The following TDRD9 variants were observed in gnomAD, a reference collection of about 807,000 sequenced individuals.
TDRD9 encodes tudor domain containing 9.
TDRD9 carries 124 observed loss-of-function variants against 172.6 expected under a neutral mutation model. The ratio of observed to expected loss-of-function variants is 0.72; its 90% CI spans 0.62 to 0.83. The LOEUF (loss-of-function observed/expected upper bound fraction) is 0.83. TDRD9 is among the 40% of genes least tolerant of loss of function. The pLI is 0.00. For synonymous variants in TDRD9, 619 were observed against 617.1 expected (o/e 1.00, Z -0.05); for missense variants, 1,479 against 1,714.1 (o/e 0.86, Z 2.42).
intron 1 of TDRD9, among the ~76,000 whole-genome samples, chr14:103,945,002 G>A (rs531434589): frequency 1.3e-5 from 2 of 152,300 alleles, no homozygotes; most frequent in African/African-American, 4.8e-5. Flanking sequence ...GTGTAGCAGT[G>A]AACAAGAAAG....
At chr14:104,034,479 C>G (rs189474460) in intron 31 of TDRD9, among the ~76,000 whole-genome samples, 116 of 152,322 alleles carry the variant, frequency 7.6e-4, no homozygotes, top group Middle Eastern at 6.8e-3. Flanking sequence ...CGTGAGCCAC[C>G]GCGCCCAGCT....
chr14:103,974,666 G>T (rs1338997152), intron 6 of TDRD9, among the ~76,000 whole-genome samples: 1 of 152,016 alleles, frequency 6.6e-6, no homozygotes, highest in Non-Finnish European at 1.5e-5. Context: ...TTAGAAACAG[G>T]ATCTTGCTCT....
chr14:104,024,635 G>A lies in TDRD9; in HGVS notation c.2673G>A (p.Arg891=). 6.2e-7 allele frequency: 1 copy of A among 1,612,952 alleles called. No individual in the cohort carries two copies. The highest frequency in any genetic ancestry group is 1.1e-5 in the South Asian group (1 of 90,954). The part of the protein sequence containing the change: ...PMQVSFNTSD[R]SQTVTDLLLT... Reference sequence around the variant, plus strand: ...AAGTCTCCTTTAACACATCAGACAGGTCCCAGACAGTTACAGATCTCCTTC... The same window carrying A: ...AAGTCTCCTTTAACACATCAGACAGATCCCAGACAGTTACAGATCTCCTTC... Residue 891 remains arginine (R), a synonymous_variant, in exon 25 of 36, where the codon AGG becomes AGA. Coordinates refer to ENST00000409874, the MANE Select transcript of TDRD9 (RefSeq NM_153046.3).
chr14:104,020,026 CAG>C (rs2152236984), intron 23 of TDRD9, among the ~76,000 whole-genome samples: 1 of 152,248 alleles, frequency 6.6e-6, no homozygotes, highest in South Asian at 2.1e-4. Context: ...CTGATCTTGA[CAG>C]GGGAAAGCTG....
intron 1 of TDRD9, among the ~76,000 whole-genome samples, chr14:103,948,153 A>G (rs1372441333): frequency 6.6e-6 from 1 of 151,990 alleles, no homozygotes; most frequent in Admixed American, 6.6e-5. Context: ...AGTTGGGACT[A>G]TAGGTGTGCA....
At chr14:104,012,955 TAG>T (rs1357921117) in intron 20 of TDRD9, among the ~76,000 whole-genome samples, 2 of 152,216 alleles carry the variant, frequency 1.3e-5, no homozygotes, top group Non-Finnish European at 2.9e-5. Flanking sequence ...CATTTTAGTA[TAG>T]AGAGTGGCAT....
intron 8 of TDRD9, among the ~76,000 whole-genome samples, chr14:103,987,721 C>T (rs2033723507): frequency 6.6e-6 from 1 of 152,148 alleles, no homozygotes; most frequent in Non-Finnish European, 1.5e-5. Context: ...TAATGTCACT[C>T]ATTGTTTTTA....
At chr14:103,992,912 G>A (rs1478962921) in intron 9 of TDRD9, among the ~76,000 whole-genome samples, 1 of 112,150 alleles carries the variant, frequency 8.9e-6, no homozygotes, top group Non-Finnish European at 1.7e-5. Flanking sequence ...GAGAAAGAGC[G>A]AGACTCCATC....
intron 34 of TDRD9, among the ~76,000 whole-genome samples, chr14:104,049,244 C>T (rs72714924): frequency 6.6e-6 from 1 of 151,972 alleles, no homozygotes; most frequent in Admixed American, 6.6e-5. Context: ...TTCAAATTCC[C>T]TATCTTTTTA....
chr14:103,984,548 G>T (rs1228633898), intron 7 of TDRD9, among the ~76,000 whole-genome samples: 2 of 152,214 alleles, frequency 1.3e-5, no homozygotes, highest in African/African-American at 4.8e-5. Context: ...CAGAAGTCAA[G>T]AATTGGGGTT....
chr14:103,966,884 T>A (rs2032774677), intron 5 of TDRD9, 53 bp downstream of exon 5: 1 of 1,491,432 alleles, frequency 6.7e-7, no homozygotes, highest in South Asian at 1.4e-5. Context: ...TTAAAAAAAC[T>A]CTCAGAGTAT....
intron 21 of TDRD9, among the ~76,000 whole-genome samples, chr14:104,015,662 C>T (rs2034767501): frequency 1.3e-5 from 2 of 152,150 alleles, no homozygotes; most frequent in African/African-American, 2.4e-5. Flanking sequence ...GACCTTGGGG[C>T]TTTGTGTGTA....
intron 34 of TDRD9, among the ~76,000 whole-genome samples, chr14:104,044,901 G>A (rs1221011210): frequency 6.6e-6 from 1 of 152,188 alleles, no homozygotes; most frequent in African/African-American, 2.4e-5. Flanking sequence ...CCAGCACTTC[G>A]GGAGGCTGAG....
intron 3 of TDRD9, 66 bp downstream of exon 3, chr14:103,963,242 GTTTC>G (rs1453997364): frequency 8.2e-7 from 1 of 1,222,986 alleles, no homozygotes; most frequent in Non-Finnish European, 1.1e-6. Context: ...AATACTTTTG[GTTTC>G]TAATTTGAAA....
intron 1 of TDRD9, among the ~76,000 whole-genome samples, chr14:103,954,744 T>G (rs2152130883): frequency 6.7e-6 from 1 of 149,816 alleles, no homozygotes; most frequent in East Asian, 2.0e-4. Context: ...TTCTGCTACC[T>G]TAGCCTCTCG....
intron 22 of TDRD9, among the ~76,000 whole-genome samples, chr14:104,017,035 A>T (rs1245837468): frequency 6.6e-6 from 1 of 152,074 alleles, no homozygotes; most frequent in Non-Finnish European, 1.5e-5. Flanking sequence ...GGAAGTCATT[A>T]GTTTTTTATA....
intron 3 of TDRD9, among the ~76,000 whole-genome samples, chr14:103,963,888 T>G (rs372684689): frequency 1.3e-5 from 2 of 152,342 alleles, no homozygotes; most frequent in African/African-American, 4.8e-5. Context: ...GATAAGAGCT[T>G]AAATAAGTTT....
At position 103,939,677 on chromosome 14, in the gene TDRD9, G is replaced by GTT. The variant is rs71126088; in HGVS notation, c.215+10979_215+10980dup. 4.2e-4 allele frequency: 29 copies of GTT among 68,654 alleles called. 1 individual carries two copies. Among genetic ancestry groups the GTT allele is most frequent in the Middle Eastern group, 0.01 (1 of 100 alleles). 4.3% of individuals were successfully genotyped at this position (68,654 alleles called of 1,614,324 possible). A position where few individuals can be genotyped will look rare whatever the true frequency, so the allele number is the denominator to read the frequency against. ...ACGCAGGGAGAATAAAGTTAGGAGGGTTTTTTTTTTTTTTTTTTTTTTTTT... is the reference window on the plus strand; with the variant it reads ...ACGCAGGGAGAATAAAGTTAGGAGGGTTTTTTTTTTTTTTTTTTTTTTTTTTT... On this transcript the variant is annotated intron_variant, in intron 1 of 35. Transcript: ENST00000409874.
chr14:103,987,066 A>G (rs751377420), intron 8 of TDRD9, among the ~76,000 whole-genome samples: 7 of 152,054 alleles, frequency 4.6e-5, no homozygotes, highest in Non-Finnish European at 1.0e-4. Context: ...GTAAGCTGAG[A>G]TCGTGCCACT....
Sources: gnomAD v4.1 joint callset for allele counts (sites outside exome capture counted in the v4.1 genomes callset) on GRCh38, gnomAD v4.1.1 for gene constraint, MANE v1.5 for transcripts, NCBI Gene and HGNC (gene_info 2026-07-23, HGNC 2026-07-21) for gene names.